HOOK2: variants seen among roughly 807,000 people sequenced by gnomAD.
The protein encoded by HOOK2 is protein Hook homolog 2.
HOOK2 carries 108 observed loss-of-function variants against 111.9 expected under a neutral mutation model. The ratio of observed to expected loss-of-function variants is 0.96; its 90% CI spans 0.83 to 1.13. The LOEUF (loss-of-function observed/expected upper bound fraction) is 1.13. Among genes scored for constraint, HOOK2 ranks in the 50% most tolerant of loss-of-function variants. HOOK2 has a pLI of 0.00. For missense variants in HOOK2, 978 were observed against 951.3 expected (o/e 1.03, Z -0.37); for synonymous variants, 405 against 394.3 (o/e 1.03, Z -0.32).
intron 6 of HOOK2, 37 bp from the exon 7 acceptor site, chr19:12,772,289 A>G (rs1296082579): frequency 6.2e-7 from 1 of 1,601,928 alleles, no homozygotes; most frequent in South Asian, 1.1e-5. Context: ...TGAACTGGAT[A>G]TCTGAGGCCA....
chr19:12,769,729 CAGA>C, intron 11 of HOOK2, 149 bp downstream of exon 11: 1 of 586,426 alleles, frequency 1.7e-6, no homozygotes, highest in Non-Finnish European at 2.7e-6. Flanking sequence ...CTAACCCAGA[CAGA>C]AGAGCAGCGT....
At chr19:12,789,877 TG>T (rs1968690367) in intron 3 of HOOK2, among the ~76,000 whole-genome samples, 2 of 151,976 alleles carry the variant, frequency 1.3e-5, no homozygotes, top group African/African-American at 2.4e-5. Context: ...CCCTGGGACC[TG>T]GCAGATAGTC....
In HOOK2 at chr19:12,764,823, C is replaced by G. The variant is rs1438068002; in HGVS notation, c.1818G>C (p.Lys606Asn). 1 of 1,613,734 alleles carries G rather than the reference C, an allele frequency of 6.2e-7. No homozygotes were observed. The highest frequency in any genetic ancestry group is 8.5e-7 in the Non-Finnish European group (1 of 1,179,938). ...CACCCAGCGTCCTCACCATGCGGGC[C>G]TTGTCCACGTAGCGGCGGTATCGCT... ...MEERYRRYVD[K>N]ARMVMQTMEP... Residue 606 changes from lysine to asparagine, a missense_variant, in exon 20 of 23, where the codon AAG (lysine) becomes AAC (asparagine). Physicochemically the swap from Lys to Asn is moderately conservative, Grantham distance 94. Around this residue, in one of 5 missense-constraint regions of HOOK2, gnomAD observed 277 missense variants for 265.8 expected, o/e 1.04. Coordinates refer to ENST00000397668, the MANE Select transcript of HOOK2 (RefSeq NM_013312.3).
rs202071884 is a variant in HOOK2 at position 12,771,285 on chromosome 19, G to A, written c.635C>T (p.Ala212Val). 130 of 1,603,136 alleles carry A rather than the reference G, an allele frequency of 8.1e-5. No homozygotes were observed. Among genetic ancestry groups the A allele is most frequent in the Non-Finnish European group, 1.0e-4 (120 of 1,174,546 alleles). The change falls in exon 9 of 23, where the codon GCG (alanine) becomes GTG (valine). Residue 212 changes from alanine to valine, a missense_variant. Physicochemically the swap from Ala to Val is moderately conservative, Grantham distance 64 (BLOSUM62 0). This residue lies in a region of HOOK2 where 301 missense variants were observed against 286.1 expected (regional missense o/e 1.05). Coordinates refer to ENST00000397668, the MANE Select transcript of HOOK2 (RefSeq NM_013312.3). ...MLLSEEKQSL[A>V]QENAGLRERM... ...CTCCCGCAGCCCTGCATTCTCTTGCGCCAGGCTCTGCTTCTCCTCTGACAG... is the reference window on the plus strand; with the variant it reads ...CTCCCGCAGCCCTGCATTCTCTTGCACCAGGCTCTGCTTCTCCTCTGACAG...
At chr19:12,773,263 T>A in intron 3 of HOOK2, 1 of 536,072 alleles carries the variant, frequency 1.9e-6, no homozygotes, top group East Asian at 3.2e-5. Context: ...TTGCTTTAGC[T>A]TTTTAAGACA....
chr19:12,771,032 C>A lies in HOOK2; in HGVS notation c.802G>T (p.Glu268Ter). Residue 268 changes from glutamate (E) to a stop codon, truncating the protein, a stop_gained, in exon 10 of 23, where the codon GAG becomes TAG. Coordinates refer to ENST00000397668, the MANE Select transcript of HOOK2 (RefSeq NM_013312.3). LOFTEE classifies it high-confidence loss of function. ...AGCTCCGCAACCTCCCTCTCCAGCT[C>A]GGCACAGCGCAGGCGCTCATCCTCC... ...GREDERLRCA[E>*]LEREVAELQH... 1.2e-6 allele frequency: 2 copies of A among 1,612,886 alleles called. No homozygotes were observed. The highest frequency in any genetic ancestry group is 1.7e-6 in the Non-Finnish European group (2 of 1,179,468).
intron 10 of HOOK2, 116 bp from the exon 11 acceptor site, chr19:12,770,198 G>C: frequency 1.1e-6 from 1 of 886,356 alleles, no homozygotes; most frequent in Non-Finnish European, 1.6e-6. Context: ...TGGGTTCAAG[G>C]TGAAGGGGTC....
chr19:12,764,998 C>G lies in HOOK2; in HGVS notation c.1723+1G>C, dbSNP rs1384844985. ...CCCTCTGGTCACTAGGTCCTACTTA[C>G]TGCTGCTGTCAGTGGGTGGCTCCAG... On this transcript the variant is annotated splice_donor_variant, in intron 19 of 22. Coordinates refer to ENST00000397668, the MANE Select transcript of HOOK2 (RefSeq NM_013312.3). LOFTEE classifies it high-confidence loss of function. 6.2e-7 allele frequency: 1 copy of G among 1,614,054 alleles called. No homozygotes were observed. The highest frequency in any genetic ancestry group is 8.5e-7 in the Non-Finnish European group (1 of 1,180,000).
intron 14 of HOOK2, among the ~76,000 whole-genome samples, chr19:12,766,819 G>A (rs1968166900): frequency 1.3e-5 from 2 of 152,154 alleles, no homozygotes; most frequent in Non-Finnish European, 2.9e-5. Flanking sequence ...TCCTGACCTT[G>A]TGATCCGCTC....
chr19:12,779,145 T>C (rs753931303), upstream of HOOK2, among the ~76,000 whole-genome samples: 47 of 152,234 alleles, frequency 3.1e-4, no homozygotes, highest in Non-Finnish European at 5.9e-4. Flanking sequence ...CCCAGCTGGA[T>C]TGGGGAGCCC....
chr19:12,766,113 T>C lies in HOOK2; in HGVS notation c.1501A>G (p.Thr501Ala), dbSNP rs1015568924. Residue 501 changes from threonine (T) to alanine (A), a missense_variant, in exon 15 of 23, where the codon ACG becomes GCG. This residue lies in a region of HOOK2 where 388 missense variants were observed against 358.3 expected (regional missense o/e 1.08). Transcript: ENST00000397668. Reference protein sequence around the residue: ...DANRARHGLETQHRLNQQQLS... With the variant: ...DANRARHGLEAQHRLNQQQLS... ...TCCCCAGGCGCTCACCGGTGCTGCG[T>C]CTCCAACCCGTGGCGCGCGCGGTTG... is the stretch of plus-strand genomic sequence containing the variant. The C allele has an allele frequency of 6.2e-7, 1 of 1,602,552 alleles. No individual in the cohort carries two copies. The highest frequency in any genetic ancestry group is 8.5e-7 in the Non-Finnish European group (1 of 1,178,730).
At position 12,772,491 on chromosome 19, in the gene HOOK2, C is replaced by T. The variant is rs188772552; in HGVS notation, c.456+122G>A. ...AGACACATGAGACAGAGATGTCTGG[C>T]CAGCTGAGTTCCAGGCAGAGTCCAG... On this transcript the variant is annotated intron_variant, in intron 6 of 22. Transcript: ENST00000397668. 5.4e-3 allele frequency: 6,184 copies of T among 1,143,316 alleles called. 30 individuals are homozygous for T. Among genetic ancestry groups the T allele is most frequent in the Non-Finnish European group, 7.2e-3 (5,675 of 784,060 alleles). 70.8% of individuals were successfully genotyped at this position (1,143,316 alleles called of 1,614,324 possible). A position where few individuals can be genotyped will look rare whatever the true frequency, so the allele number is the denominator to read the frequency against.
upstream of HOOK2, among the ~76,000 whole-genome samples, chr19:12,777,125 C>T (rs1239145530): frequency 6.6e-6 from 1 of 151,420 alleles, no homozygotes; most frequent in Non-Finnish European, 1.5e-5. Context: ...CCACTGCACT[C>T]CAGCCTGGGC....
chr19:12,776,896 C>T (rs1168705651), upstream of HOOK2, among the ~76,000 whole-genome samples: 1 of 151,346 alleles, frequency 6.6e-6, no homozygotes, highest in Non-Finnish European at 1.5e-5. Context: ...CGGCGGCTCA[C>T]GTCTGTATCC....
In HOOK2 at chr19:12,764,965, TCTCCCCACCCTCTGGTCACTAGGTC is replaced by T. The variant is rs1360751523; in HGVS notation, c.1723+9_1723+33del. The stretch of plus-strand genomic sequence containing the variant: ...AGCTCCACGCTGCTGGGCTCTGGGA[TCTCCCCACCCTCTGGTCACTAGGTC>T]CTACTTACTGCTGCTGTCAGTGGGT... On this transcript the variant is annotated intron_variant, in intron 19 of 22. Coordinates refer to ENST00000397668, the MANE Select transcript of HOOK2 (RefSeq NM_013312.3). 1 of 1,613,796 alleles carries T rather than the reference TCTCCCCACCCTCTGGTCACTAGGTC, an allele frequency of 6.2e-7. No individual in the cohort carries two copies. Among genetic ancestry groups the T allele is most frequent in the Non-Finnish European group, 8.5e-7 (1 of 1,179,878 alleles).
chr19:12,790,741 C>T lies in HOOK2; in HGVS notation n.42-16516G>A, dbSNP rs955849780. Among the ~76,000 whole-genome samples the T allele has an allele frequency of 5.3e-5, 8 of 152,196 alleles. No homozygotes were observed. Among genetic ancestry groups the T allele is most frequent in the African/African-American group, 1.7e-4 (7 of 41,440 alleles). The stretch of plus-strand genomic sequence containing the variant: ...CCATCTTCTACCTGGCATATTTTAC[C>T]TGCCTCAGTGTACCCCAGGCCGCTT... On this transcript the variant is annotated intron_variant and non_coding_transcript_variant, in intron 3 of 3. Transcript: ENST00000589765. This position sits in a 1 kb window ranked among gnomAD's most constrained non-coding sequence, Gnocchi z 7.2.
In HOOK2 at chr19:12,774,740, C is replaced by T. The variant is rs373191726; in HGVS notation, c.133G>A (p.Asp45Asn). Residue 45 changes from aspartate (D) to asparagine (N), a missense_variant and splice_region_variant, in exon 3 of 23, where the codon GAC becomes AAC. Asp to Asn is a conservative substitution (Grantham distance 23). This residue lies in a region of HOOK2 where 301 missense variants were observed against 286.1 expected (regional missense o/e 1.05). Transcript: ENST00000397668. ...CATGCCTCGTTGAACCAGGAGGGGTCTCTGGGGGCGAGAAGGTGGGATGAG... is the reference window on the plus strand; with the variant it reads ...CATGCCTCGTTGAACCAGGAGGGGTTTCTGGGGGCGAGAAGGTGGGATGAG... The part of the protein sequence containing the change: ...LAVAYVLNQI[D>N]PSWFNEAWLQ... The T allele has an allele frequency of 4.3e-6, 7 of 1,613,934 alleles. No individual in the cohort carries two copies. The highest frequency in any genetic ancestry group is 1.7e-5 in the Admixed American group (1 of 60,002).
Position 12,769,903 on chromosome 19 carries a change from T to C in HOOK2, c.1082A>G (p.Gln361Arg). ...ELRRAGSLRA[Q>R]LEAQRRQVQE... The stretch of plus-strand genomic sequence containing the variant: ...CACCTGCCGCCGCTGCGCCTCCAGC[T>C]GGGCGCGCAGGGAGCCCGCTCGGCG... The change falls in exon 11 of 23, where the codon CAG becomes CGG. Residue 361 changes from glutamine (Q) to arginine (R), a missense_variant. Physicochemically the swap from Gln to Arg is conservative, Grantham distance 43. Around this residue, in one of 5 missense-constraint regions of HOOK2, gnomAD observed 388 missense variants for 358.3 expected, o/e 1.08. Transcript: ENST00000397668. The C allele has an allele frequency of 1.3e-6, 2 of 1,498,450 alleles. No individual in the cohort carries two copies. The highest frequency in any genetic ancestry group is 1.8e-6 in the Non-Finnish European group (2 of 1,132,948). The allele number at this position is 1,498,450 out of a possible 1,614,324, so 92.8% of individuals were successfully genotyped here.
chr19:12,766,122 C>T lies in HOOK2; in HGVS notation c.1492G>A (p.Gly498Arg), dbSNP rs776083927. 1.9e-6 allele frequency: 3 copies of T among 1,602,156 alleles called. No homozygotes were observed. In the Admixed American group the frequency reaches 5.0e-5, roughly 27 times the overall value. Residue 498 changes from glycine to arginine, a missense_variant, in exon 15 of 23, where the codon GGG (glycine) becomes AGG (arginine). Around this residue, in one of 5 missense-constraint regions of HOOK2, gnomAD observed 388 missense variants for 358.3 expected, o/e 1.08. Coordinates refer to ENST00000397668, the MANE Select transcript of HOOK2 (RefSeq NM_013312.3). ...HLEDANRARH[G>R]LETQHRLNQQ... is the part of the protein sequence containing the mutation. ...GCTCACCGGTGCTGCGTCTCCAACC[C>T]GTGGCGCGCGCGGTTGGCATCCTCC...
Sources: gnomAD v4.1 joint callset for allele counts (sites outside exome capture counted in the v4.1 genomes callset) on GRCh38, gnomAD v4.1.1 for gene constraint, gnomAD v4.1.1 regional missense constraint, Gnocchi (gnomAD v3.1) non-coding constraint, MANE v1.5 for transcripts, NCBI Gene and HGNC (gene_info 2026-07-23, HGNC 2026-07-21) for gene names.